Variants in GPC4 observed in about 807,000 individuals in gnomAD.
The protein encoded by GPC4 is glypican-4.
GPC4 carries 10 observed loss-of-function variants against 35.0 expected under a neutral mutation model. That is an observed-to-expected ratio of 0.29 (90% CI 0.18 to 0.48). The LOEUF (loss-of-function observed/expected upper bound fraction) is 0.48. Among genes scored for constraint, GPC4 ranks in the 20% least tolerant of loss-of-function variants. GPC4 has a pLI of 0.99. For missense variants in GPC4, 322 were observed against 451.3 expected (o/e 0.71, Z 2.60); for synonymous variants, 167 against 170.2 (o/e 0.98, Z 0.15).
At chrX:133,317,670 T>G (rs2068345275) in intron 3 of GPC4, among the ~76,000 whole-genome samples, 1 of 111,735 alleles carries the variant, frequency 8.9e-6, no homozygotes, top group South Asian at 3.7e-4. Context: ...TTGTTTTTGT[T>G]TTTTGCACAG....
chrX:133,333,143 G>C (rs2068428561), intron 2 of GPC4, among the ~76,000 whole-genome samples: 1 of 112,466 alleles, frequency 8.9e-6, no homozygotes, highest in South Asian at 3.7e-4. Context: ...GATCAACTAA[G>C]CCCTGTTCTT....
intron 1 of GPC4, among the ~76,000 whole-genome samples, chrX:133,376,186 C>T (rs1569352477): frequency 8.9e-6 from 1 of 112,343 alleles, no homozygotes; most frequent in African/African-American, 3.2e-5. Flanking sequence ...AAGAAGAGCC[C>T]GTGTGCTCAG....
chrX:133,381,213 G>A (rs891713626), intron 1 of GPC4, among the ~76,000 whole-genome samples: 2 of 112,060 alleles, frequency 1.8e-5, no homozygotes, highest in African/African-American at 6.5e-5. Context: ...GAGGATGAAA[G>A]GAACATATGC....
intron 4 of GPC4, among the ~76,000 whole-genome samples, chrX:133,309,789 G>A (rs775325112): frequency 7.1e-5 from 8 of 112,123 alleles, no homozygotes; most frequent in African/African-American, 2.6e-4. Context: ...GAGAGAGAGA[G>A]AAAACAAAAA....
Position 133,377,894 on chromosome X carries a change from T to TC in GPC4, c.160+36911_160+36912insG, listed in dbSNP as rs1165402440. On this transcript the variant is annotated intron_variant, in intron 1 of 8. Transcript: ENST00000370828. ...TTCTTTTTCTTTTTTTTTTTCTTTT[T>TC]TTTTTTTTTTTTGCTTTTGATTCAG... Among the ~76,000 whole-genome samples the TC allele has an allele frequency of 2.9e-4, 29 of 101,408 alleles. 1 individual carries two copies. The Admixed American group carries it at 3.0e-3, about 11-fold the overall frequency. 88.1% of individuals were successfully genotyped at this position (101,408 alleles called of 115,157 possible).
chrX:133,390,532 G>GAA, intron 1 of GPC4, among the ~76,000 whole-genome samples: 1 of 111,777 alleles, frequency 8.9e-6, no homozygotes, highest in Admixed American at 9.5e-5. Flanking sequence ...GGAGGGACAG[G>GAA]AGTTGCTAAA....
At chrX:133,379,878 C>G (rs1603088950) in intron 1 of GPC4, among the ~76,000 whole-genome samples, 1 of 111,968 alleles carries the variant, frequency 8.9e-6, no homozygotes. Flanking sequence ...AGTTACATCT[C>G]TGTAGACTAC....
chrX:133,377,085 A>G (rs954693994), intron 1 of GPC4, among the ~76,000 whole-genome samples: 2 of 112,021 alleles, frequency 1.8e-5, no homozygotes, highest in Non-Finnish European at 3.8e-5. Context: ...CTTTACTAGC[A>G]TAAGCACCTC....
chrX:133,385,498 T>C (rs951006244), intron 1 of GPC4, among the ~76,000 whole-genome samples: 1 of 112,235 alleles, frequency 8.9e-6, no homozygotes, highest in African/African-American at 3.2e-5. Flanking sequence ...CACATACATA[T>C]GGTGCTTAAA....
At chrX:133,390,530 A>AAACTTGCTAAACTT in intron 1 of GPC4, among the ~76,000 whole-genome samples, 1 of 111,978 alleles carries the variant, frequency 8.9e-6, no homozygotes, top group Admixed American at 9.5e-5. Context: ...AAGGAGGGAC[A>AAACTTGCTAAACTT]GGAGTTGCTA....
intron 1 of GPC4, among the ~76,000 whole-genome samples, chrX:133,387,605 T>A (rs185067557): frequency 4.8e-4 from 54 of 112,302 alleles, no homozygotes; most frequent in Non-Finnish European, 1.3e-4. Flanking sequence ...ATGCTCAAAT[T>A]CTTTCCTGAA....
intron 1 of GPC4, among the ~76,000 whole-genome samples, chrX:133,354,568 A>ATT (rs77166014): frequency 6.3e-5 from 6 of 95,206 alleles, no homozygotes; most frequent in African/African-American, 1.7e-4. Context: ...TTATTTATTT[A>ATT]TTTTTTTTTT....
chrX:133,309,547 G>A (rs1235576620), intron 4 of GPC4, among the ~76,000 whole-genome samples: 1 of 112,791 alleles, frequency 8.9e-6, no homozygotes, highest in Non-Finnish European at 1.9e-5. Context: ...AGTGGCAAGG[G>A]CCATGCCCTT....
intron 3 of GPC4, among the ~76,000 whole-genome samples, chrX:133,321,173 T>C (rs1446760525): frequency 8.9e-6 from 1 of 112,376 alleles, no homozygotes; most frequent in African/African-American, 3.2e-5. Context: ...CATGGTTAAT[T>C]CTGAGAACGA....
chrX:133,354,275 T>C (rs940931019), intron 1 of GPC4, among the ~76,000 whole-genome samples: 1 of 112,327 alleles, frequency 8.9e-6, no homozygotes, highest in African/African-American at 3.2e-5. Context: ...CATAAGCTCC[T>C]AGTTTTTCCT....
At chrX:133,344,385 C>A (rs1217935808) in intron 1 of GPC4, among the ~76,000 whole-genome samples, 1 of 106,705 alleles carries the variant, frequency 9.4e-6, no homozygotes, top group African/African-American at 3.4e-5. Flanking sequence ...GCCACCACAC[C>A]CGGCTAATTT....
At chrX:133,395,944 T>C (rs1268707407) in intron 1 of GPC4, among the ~76,000 whole-genome samples, 2 of 111,932 alleles carry the variant, frequency 1.8e-5, no homozygotes, top group African/African-American at 3.2e-5. Context: ...AAGTTTATAA[T>C]AAATTGTTTG....
rs773140565 is a variant in GPC4, at chrX:133,303,246, C to T, written c.1388G>A (p.Arg463His). The T allele has an allele frequency of 1.1e-5, 13 of 1,209,567 alleles. No individual in the cohort carries two copies. Among genetic ancestry groups the T allele is most frequent in the African/African-American group, 8.8e-5 (5 of 57,134 alleles). The part of the protein sequence containing the change: ...DTSKPDILIL[R>H]QIMALRVMTS... ...CATCACTCGAAGAGCCATGATTTGACGAAGGATCAGTATGTCTGGTTTGCT... is the reference window on the plus strand; with the variant it reads ...CATCACTCGAAGAGCCATGATTTGATGAAGGATCAGTATGTCTGGTTTGCT... Residue 463 changes from arginine (R) to histidine (H), a missense_variant, in exon 8 of 9, where the codon CGT becomes CAT. Arg to His is a conservative substitution (Grantham distance 29, BLOSUM62 0). Coordinates refer to ENST00000370828, the MANE Select transcript of GPC4 (RefSeq NM_001448.3).
At chrX:133,354,601 G>T (rs1414046062) in intron 1 of GPC4, among the ~76,000 whole-genome samples, 2 of 98,271 alleles carry the variant, frequency 2.0e-5, no homozygotes, top group Non-Finnish European at 3.9e-5. Context: ...TCGCTCTGTC[G>T]CCCAGGCCAG....
Sources: allele counts gnomAD v4.1 joint callset (sites outside exome capture counted in the v4.1 genomes callset), GRCh38; gene constraint gnomAD v4.1.1; transcripts MANE v1.5; gene names NCBI Gene and HGNC (gene_info 2026-07-23, HGNC 2026-07-21).